Variants in FAM184B observed in about 807,000 individuals in gnomAD.
FAM184B encodes family with sequence similarity 184 member B, also known as protein FAM184B.
FAM184B carries 111 observed loss-of-function variants against 135.9 expected under a neutral mutation model. The ratio of observed to expected loss-of-function variants is 0.82; its 90% CI spans 0.70 to 0.96. The LOEUF is 0.96. Among genes scored for constraint, FAM184B ranks in the 40% least tolerant of loss-of-function variants. FAM184B has a pLI of 0.00. For missense variants in FAM184B, 1,375 were observed against 1,323.9 expected, an observed-to-expected ratio of 1.04 and a Z score of -0.60; for synonymous variants, 552 against 524.8, an observed-to-expected ratio of 1.05 and a Z score of -0.71.
chr4:17,705,899 C>T lies in FAM184B; in HGVS notation c.1031-8G>A, dbSNP rs1717105407. ...ACTCAGTCTTCATGGCATCTGCAAG[C>T]ATACATTTCAGCATTATTTGGAATG... On this transcript the variant is annotated splice_region_variant and splice_polypyrimidine_tract_variant and intron_variant, in intron 3 of 17. Coordinates refer to ENST00000265018, the MANE Select transcript of FAM184B (RefSeq NM_015688.2). The T allele has an allele frequency of 6.4e-7, 1 of 1,552,084 alleles. No individual in the cohort carries two copies. Among genetic ancestry groups the T allele is most frequent in the Non-Finnish European group, 8.7e-7 (1 of 1,147,116 alleles).
At chr4:17,682,704 G>T (rs1190121973) in intron 7 of FAM184B, among the ~76,000 whole-genome samples, 4 of 152,022 alleles carry the variant, frequency 2.6e-5, no homozygotes, top group Non-Finnish European at 4.4e-5. Context: ...TTGCCATGTT[G>T]CTCAGGCTGG....
At chr4:17,656,613 G>A (rs1048277413) in intron 10 of FAM184B, among the ~76,000 whole-genome samples, 2 of 152,172 alleles carry the variant, frequency 1.3e-5, no homozygotes, top group African/African-American at 4.8e-5. Context: ...TGTTGGCCAG[G>A]CTGGTCTTGA....
intron 1 of FAM184B, among the ~76,000 whole-genome samples, chr4:17,768,050 C>T (rs189366136): frequency 0.012 from 1,770 of 152,318 alleles, 21 homozygotes; most frequent in Non-Finnish European, 0.018. Flanking sequence ...TCCAATAAAA[C>T]TTTATTCATG....
intron 13 of FAM184B, among the ~76,000 whole-genome samples, chr4:17,640,911 C>T (rs1285662835): frequency 6.6e-6 from 1 of 152,084 alleles, no homozygotes. Context: ...CTACAACAGC[C>T]CTGACAGGCC....
intron 1 of FAM184B, among the ~76,000 whole-genome samples, chr4:17,736,892 C>A (rs1236111423): frequency 1.1e-4 from 16 of 152,166 alleles, no homozygotes; most frequent in Admixed American, 1.0e-3. Context: ...CGCCTTTAAT[C>A]CCAGCATTTT....
At chr4:17,654,338 T>C (rs529225876) in intron 10 of FAM184B, among the ~76,000 whole-genome samples, 1 of 152,098 alleles carries the variant, frequency 6.6e-6, no homozygotes, top group Non-Finnish European at 1.5e-5. Flanking sequence ...TATCCCCTCA[T>C]CTTTTTAAAC....
Position 17,654,829 on chromosome 4 carries a change from G to A in FAM184B, c.2038-1846C>T, listed in dbSNP as rs188997183. Among the ~76,000 whole-genome samples, 232 of 152,274 alleles carry A rather than the reference G, an allele frequency of 1.5e-3. 1 individual carries two copies. Among genetic ancestry groups the A allele is most frequent in the Middle Eastern group, 6.8e-3 (2 of 294 alleles). On this transcript the variant is annotated intron_variant, in intron 10 of 17. Transcript: ENST00000265018. ...TGGTCTCACTCCTCCCAGGGGAAAC[G>A]CAGTCATTCTGTGCCAAATGTCTTT...
chr4:17,724,262 T>G (rs1354348854), intron 1 of FAM184B, among the ~76,000 whole-genome samples: 3 of 152,214 alleles, frequency 2.0e-5, no homozygotes, highest in African/African-American at 7.2e-5. Flanking sequence ...CTTCTTCTTT[T>G]TGTTTTTATG....
At chr4:17,637,043 T>A (rs1364732129) in intron 14 of FAM184B, among the ~76,000 whole-genome samples, 1 of 152,126 alleles carries the variant, frequency 6.6e-6, no homozygotes, top group Non-Finnish European at 1.5e-5. Flanking sequence ...TTTTCTTTTT[T>A]GGAGACGGAG....
chr4:17,638,796 CAT>C (rs1449170130), intron 14 of FAM184B, among the ~76,000 whole-genome samples: 8 of 146,304 alleles, frequency 5.5e-5, no homozygotes, highest in African/African-American at 1.7e-4. Context: ...AACATAGCCT[CAT>C]AAAATGAAGG....
chr4:17,766,597 C>A (rs1045032789), intron 1 of FAM184B, among the ~76,000 whole-genome samples: 15 of 151,932 alleles, frequency 9.9e-5, no homozygotes, highest in Non-Finnish European at 1.9e-4. Context: ...CTCCAAGTCC[C>A]CACCAGATTA....
At chr4:17,654,863 CTTTT>C (rs1184715122) in intron 10 of FAM184B, among the ~76,000 whole-genome samples, 1 of 151,208 alleles carries the variant, frequency 6.6e-6, no homozygotes, top group Non-Finnish European at 1.5e-5. Flanking sequence ...TTTTCTTTTT[CTTTT>C]TTTGAGACGA....
At chr4:17,735,610 T>C (rs1717889670) in intron 1 of FAM184B, among the ~76,000 whole-genome samples, 2 of 151,584 alleles carry the variant, frequency 1.3e-5, no homozygotes, top group Non-Finnish European at 1.5e-5. Flanking sequence ...TTTTTTTTCA[T>C]AGTCAAAAAG....
At chr4:17,669,578 A>C (rs1362492976) in intron 7 of FAM184B, among the ~76,000 whole-genome samples, 1 of 152,244 alleles carries the variant, frequency 6.6e-6, no homozygotes. Context: ...TAATAAGACC[A>C]GTAGCTAGGA....
intron 1 of FAM184B, among the ~76,000 whole-genome samples, chr4:17,752,581 G>A (rs1159664814): frequency 6.6e-6 from 1 of 152,198 alleles, no homozygotes; most frequent in East Asian, 1.9e-4. Context: ...CCTTCTTGCT[G>A]CATTTCATGG....
chr4:17,653,839 C>G (rs1279986037), intron 10 of FAM184B, among the ~76,000 whole-genome samples: 2 of 79,822 alleles, frequency 2.5e-5, no homozygotes, highest in Non-Finnish European at 5.0e-5. Flanking sequence ...TCTGGGTGGG[C>G]CTCAATCACA....
Position 17,708,917 on chromosome 4 carries a change from G to C in FAM184B, c.869C>G (p.Ala290Gly). The change falls in exon 2 of 18, where the codon GCC (alanine) becomes GGC (glycine). Residue 290 changes from alanine to glycine, a missense_variant. By Grantham distance (60) the Ala-to-Gly change is moderately conservative (BLOSUM62 0). Coordinates refer to ENST00000265018, the MANE Select transcript of FAM184B (RefSeq NM_015688.2). Reference sequence around the variant, plus strand: ...CTGAATCCTCTCCTTCAGCTTCTGGGCGTACTTCTTCAGGTCACTTATCTT... The same window carrying C: ...CTGAATCCTCTCCTTCAGCTTCTGGCCGTACTTCTTCAGGTCACTTATCTT... ...GRKISDLKKYAQKLKERIQDL... is the reference protein window; with the variant it reads ...GRKISDLKKYGQKLKERIQDL... The C allele has an allele frequency of 6.5e-7, 1 of 1,530,548 alleles. No homozygotes were observed. The highest frequency in any genetic ancestry group is 1.2e-5 in the South Asian group (1 of 80,252). The allele number at this position is 1,530,548 out of a possible 1,614,324, so 94.8% of individuals were successfully genotyped here. A position where few individuals can be genotyped will look rare whatever the true frequency, so the allele number is the denominator to read the frequency against.
rs183323841 is a variant in FAM184B, at chr4:17,776,822, A to T, written c.141+4337T>A. ...TTTCAGGTGAGGAAACTTCAAGAGG[A>T]AAGCTAGGTGAGTGCACAGTGGAGT... On this transcript the variant is annotated intron_variant, in intron 1 of 17. Coordinates refer to ENST00000265018, the MANE Select transcript of FAM184B (RefSeq NM_015688.2). Among the ~76,000 whole-genome samples the T allele has an allele frequency of 3.2e-3, 490 of 152,290 alleles. 2 individuals carry two copies. The highest frequency in any genetic ancestry group is 0.011 in the African/African-American group (454 of 41,554).
intron 5 of FAM184B, among the ~76,000 whole-genome samples, chr4:17,697,989 C>G (rs1272017237): frequency 6.6e-6 from 1 of 151,220 alleles, no homozygotes; most frequent in Non-Finnish European, 1.5e-5. Flanking sequence ...CTGGAGAACA[C>G]AGATTTGAAA....
Sources: gnomAD v4.1 joint callset for allele counts (sites outside exome capture counted in the v4.1 genomes callset) on GRCh38, gnomAD v4.1.1 for gene constraint, MANE v1.5 for transcripts, NCBI Gene and HGNC (gene_info 2026-07-23, HGNC 2026-07-21) for gene names.